The following ANKRD17 variants were observed in gnomAD, a reference collection of about 807,000 sequenced individuals.
ANKRD17 encodes the protein ankyrin repeat domain-containing protein 17.
ANKRD17 carries 19 observed loss-of-function variants against 229.7 expected under a neutral mutation model. The ratio of observed to expected loss-of-function variants is 0.08; its 90% CI spans 0.06 to 0.12. The LOEUF is 0.12. Among genes scored for constraint, ANKRD17 ranks in the 10% least tolerant of loss-of-function variants. ANKRD17 has a pLI of 1.00. For missense variants in ANKRD17, 2,176 were observed against 3,176.8 expected, an observed-to-expected ratio of 0.68 and a Z score of 7.57; for synonymous variants, 1,112 against 1,146.1, an observed-to-expected ratio of 0.97 and a Z score of 0.60.
chr4:73,141,681 T>C, intron 14 of ANKRD17, 60 bp downstream of exon 14: 2 of 1,468,560 alleles, frequency 1.4e-6, no homozygotes, highest in Non-Finnish European at 1.9e-6. Flanking sequence ...GTCTATTTTT[T>C]GGTAATCTTA....
intron 23 of ANKRD17, 34 bp downstream of exon 23, chr4:73,115,785 TAG>T (rs1254715572): frequency 1.3e-6 from 2 of 1,494,590 alleles, no homozygotes; most frequent in East Asian, 4.5e-5. Context: ...ATTAACCGAA[TAG>T]AGTCCCTTGC....
In ANKRD17 at chr4:73,126,135, A is replaced by G. The variant is rs1727438097; in HGVS notation, c.3235-823T>C. 2.6e-5 allele frequency among the ~76,000 whole-genome samples: 4 copies of G among 152,186 alleles called. No individual in the cohort carries two copies. The South Asian group carries it at 8.3e-4, about 32-fold the overall frequency. ...TGAGAAGACAGAATTTGGAGAGATC[A>G]AGGTGGCTAGAATTCATGGAGCAGA... On this transcript the variant is annotated intron_variant, in intron 16 of 33. Coordinates refer to ENST00000358602, the MANE Select transcript of ANKRD17 (RefSeq NM_032217.5).
chr4:73,203,294 T>C (rs768332722), intron 1 of ANKRD17, among the ~76,000 whole-genome samples: 14 of 152,158 alleles, frequency 9.2e-5, no homozygotes, highest in Non-Finnish European at 1.6e-4. Flanking sequence ...CCCTCATCTT[T>C]GTGTCTTGAA....
At chr4:73,250,135 C>CA (rs1001875733) in intron 1 of ANKRD17, among the ~76,000 whole-genome samples, 1 of 152,030 alleles carries the variant, frequency 6.6e-6, no homozygotes. Flanking sequence ...AAGCTTTTAC[C>CA]AAAAAAGCAT....
At chr4:73,255,754 G>A (rs565687877) in intron 1 of ANKRD17, among the ~76,000 whole-genome samples, 12 of 150,774 alleles carry the variant, frequency 8.0e-5, no homozygotes, top group Non-Finnish European at 1.3e-4. Context: ...ACAGAGTCTC[G>A]TTCTTGTTGC....
chr4:73,129,863 C>T (rs1408450394), intron 16 of ANKRD17, among the ~76,000 whole-genome samples: 4 of 150,360 alleles, frequency 2.7e-5, no homozygotes, highest in African/African-American at 9.8e-5. Flanking sequence ...CCCAGGTTTG[C>T]GCCATTCTCC....
At chr4:73,136,986 T>TTG (rs1222469397) in intron 15 of ANKRD17, among the ~76,000 whole-genome samples, 1 of 151,082 alleles carries the variant, frequency 6.6e-6, no homozygotes, top group African/African-American at 2.4e-5. Context: ...CAGAGTTTTT[T>TTG]TTTTTTTTTT....
At chr4:73,136,945 A>C (rs1728967632) in intron 15 of ANKRD17, among the ~76,000 whole-genome samples, 1 of 150,896 alleles carries the variant, frequency 6.6e-6, no homozygotes, top group Non-Finnish European at 1.5e-5. Flanking sequence ...TTCAACTGGA[A>C]TATTTTCTTT....
At chr4:73,234,231 T>C (rs1223303326) in intron 1 of ANKRD17, among the ~76,000 whole-genome samples, 1 of 152,216 alleles carries the variant, frequency 6.6e-6, no homozygotes, top group Non-Finnish European at 1.5e-5. Flanking sequence ...TCTTGATTCA[T>C]GCTGAAATTT....
At chr4:73,190,437 G>A (rs1736898659) in intron 1 of ANKRD17, among the ~76,000 whole-genome samples, 1 of 151,330 alleles carries the variant, frequency 6.6e-6, no homozygotes, top group East Asian at 1.9e-4. Flanking sequence ...TTAAAACTTA[G>A]AAGCATCCCA....
intron 1 of ANKRD17, among the ~76,000 whole-genome samples, chr4:73,248,059 AT>A (rs1744660429): frequency 6.6e-6 from 1 of 152,018 alleles, no homozygotes; most frequent in African/African-American, 2.4e-5. Context: ...CTGTCTTGTA[AT>A]TCAATCTTCA....
At position 73,178,479 on chromosome 4, in the gene ANKRD17, A is replaced by T. The variant is rs182610842; in HGVS notation, c.394-946T>A. Among the ~76,000 whole-genome samples, 679 of 147,800 alleles carry T rather than the reference A, an allele frequency of 4.6e-3. 12 individuals carry two copies. The East Asian group carries it at 0.062, about 13-fold the overall frequency. On this transcript the variant is annotated intron_variant, in intron 1 of 33. Coordinates refer to ENST00000358602, the MANE Select transcript of ANKRD17 (RefSeq NM_032217.5). ...AAGAATATTCTTAAACTAGCATTTAATTTTTTTTTTTTAACTTCAAGCACG... is the reference window on the plus strand; with the variant it reads ...AAGAATATTCTTAAACTAGCATTTATTTTTTTTTTTTTAACTTCAAGCACG...
At chr4:73,192,124 C>A (rs1053757457) in intron 1 of ANKRD17, among the ~76,000 whole-genome samples, 5 of 152,048 alleles carry the variant, frequency 3.3e-5, no homozygotes, top group African/African-American at 4.8e-5. Context: ...TATTTATCTT[C>A]ATGAACTTAT....
chr4:73,143,654 A>G (rs7677651), intron 11 of ANKRD17, among the ~76,000 whole-genome samples: 1,717 of 152,344 alleles, frequency 0.011, 15 homozygotes, highest in Non-Finnish European at 0.019. Context: ...CTTTACCTAT[A>G]AACAATTATA....
chr4:73,090,030 A>G (rs1250426208), intron 29 of ANKRD17, among the ~76,000 whole-genome samples: 3 of 152,214 alleles, frequency 2.0e-5, no homozygotes, highest in African/African-American at 7.2e-5. Context: ...CAATTTTTTA[A>G]ATCTGTTATT....
intron 1 of ANKRD17, among the ~76,000 whole-genome samples, chr4:73,193,536 T>G (rs1737418851): frequency 6.6e-6 from 1 of 152,242 alleles, no homozygotes. Flanking sequence ...TTCCCCCCTT[T>G]GTAGTTTTAC....
At chr4:73,124,313 T>C (rs553670564) in intron 18 of ANKRD17, among the ~76,000 whole-genome samples, 2 of 93,734 alleles carry the variant, frequency 2.1e-5, no homozygotes, top group East Asian at 6.1e-4. Context: ...GTTATCTAGC[T>C]GATTATAAAA....
At chr4:73,120,849 A>C in intron 20 of ANKRD17, 32 bp downstream of exon 20, 1 of 1,585,670 alleles carries the variant, frequency 6.3e-7, no homozygotes, top group African/African-American at 1.4e-5. Context: ...CAAAGCAATA[A>C]ATTCATGTGT....
intron 1 of ANKRD17, among the ~76,000 whole-genome samples, chr4:73,230,685 C>A (rs983596879): frequency 6.6e-6 from 1 of 152,152 alleles, no homozygotes; most frequent in South Asian, 2.1e-4. Context: ...AGATACAAAA[C>A]GCTTCATCCA....
Sources: allele counts gnomAD v4.1 joint callset (sites outside exome capture counted in the v4.1 genomes callset), GRCh38; gene constraint gnomAD v4.1.1; transcripts MANE v1.5; gene names NCBI Gene and HGNC (gene_info 2026-07-23, HGNC 2026-07-21).